Variants in BMAL2 observed in about 807,000 individuals in gnomAD.
BMAL2 encodes basic helix-loop-helix ARNT like 2.
chr12:27,382,079 A>G, the BMAL2 span, among the ~76,000 whole-genome samples: 1 of 152,212 alleles, frequency 6.6e-6, no homozygotes, highest in African/African-American at 2.4e-5. Context: ...TGGGAGCATG[A>G]TGGGAGATCT....
At chr12:27,335,751 A>G in the BMAL2 span, among the ~76,000 whole-genome samples, 2 of 149,268 alleles carry the variant, frequency 1.3e-5, no homozygotes, top group African/African-American at 4.9e-5. Context: ...GCAAGAGAGG[A>G]GGTGTGAAGT....
the BMAL2 span, chr12:27,416,053 AAT>A: frequency 1.3e-6 from 1 of 772,804 alleles, no homozygotes; most frequent in South Asian, 1.9e-5. Context: ...TCAAAAAAAA[AAT>A]GAACCCATTT....
chr12:27,387,347 T>C, the BMAL2 span: 4 of 1,454,564 alleles, frequency 2.7e-6, no homozygotes, highest in African/African-American at 5.6e-5. Flanking sequence ...ATATTTTCCA[T>C]ACAATGTTTA....
the BMAL2 span, among the ~76,000 whole-genome samples, chr12:27,388,424 A>G: frequency 5.3e-5 from 8 of 152,084 alleles, no homozygotes; most frequent in South Asian, 4.2e-4. Flanking sequence ...CCTGTTGTCT[A>G]TAGGAATGTT....
chr12:27,334,721 C>G, the BMAL2 span, among the ~76,000 whole-genome samples: 27 of 152,312 alleles, frequency 1.8e-4, no homozygotes, highest in African/African-American at 6.5e-4. Context: ...AAATGTAAAG[C>G]TGGGAATAAT....
chr12:27,351,039 A>T, the BMAL2 span, among the ~76,000 whole-genome samples: 1 of 125,996 alleles, frequency 7.9e-6, no homozygotes, highest in East Asian at 2.5e-4. Flanking sequence ...TCCAGGCTGC[A>T]GTGCAGTGGC....
the BMAL2 span, chr12:27,370,169 C>T: frequency 1.7e-5 from 28 of 1,614,122 alleles, 1 homozygote; most frequent in South Asian, 3.1e-4. Flanking sequence ...AAAGCTTTCT[C>T]AGAATCCCCT....
the BMAL2 span, among the ~76,000 whole-genome samples, chr12:27,342,128 T>G: frequency 6.6e-6 from 1 of 151,864 alleles, no homozygotes; most frequent in African/African-American, 2.4e-5. Context: ...AGTAGAGACG[T>G]GGTTTCATCA....
the BMAL2 span, among the ~76,000 whole-genome samples, chr12:27,420,012 T>TGCGCGCGCGCGCGCGCGCGC: frequency 4.6e-5 from 3 of 64,822 alleles, no homozygotes; most frequent in African/African-American, 2.3e-4. Flanking sequence ...TTCCAGGGTT[T>TGCGCGCGCGCGCGCGCGCGC]GCGCGTGCAC....
chr12:27,402,446 A>G, the BMAL2 span, among the ~76,000 whole-genome samples: 1 of 152,236 alleles, frequency 6.6e-6, no homozygotes, highest in Non-Finnish European at 1.5e-5. Flanking sequence ...GGCAAACACC[A>G]TGATACTTAG....
chr12:27,417,365 A>G, the BMAL2 span, among the ~76,000 whole-genome samples: 1 of 152,226 alleles, frequency 6.6e-6, no homozygotes, highest in Non-Finnish European at 1.5e-5. Context: ...AAAAACAGAA[A>G]TAAACTTTGA....
At chr12:27,332,844 G>C in the BMAL2 span, 10 of 177,448 alleles carry the variant, frequency 5.6e-5, no homozygotes, top group Non-Finnish European at 8.1e-5. Flanking sequence ...CCAGAGCGGC[G>C]GGCGGCTGGC....
the BMAL2 span, among the ~76,000 whole-genome samples, chr12:27,396,031 G>A: frequency 2.6e-5 from 4 of 152,210 alleles, no homozygotes; most frequent in Non-Finnish European, 5.9e-5. Context: ...ATGTTGAAGC[G>A]CTAGGCCCCA....
At chr12:27,387,157 T>C in the BMAL2 span, 2 of 947,300 alleles carry the variant, frequency 2.1e-6, no homozygotes, top group Non-Finnish European at 3.4e-6. Flanking sequence ...AATCTGAATG[T>C]GTGTGTGTGT....
the BMAL2 span, chr12:27,380,155 G>T: frequency 7.7e-7 from 1 of 1,306,206 alleles, no homozygotes; most frequent in East Asian, 2.3e-5. Context: ...GTGTGTGCCT[G>T]CTGGGCTCAG....
At chr12:27,400,826 A>G in the BMAL2 span, 21 of 1,486,468 alleles carry the variant, frequency 1.4e-5, no homozygotes, top group Non-Finnish European at 1.5e-5. Context: ...ATTTGAAGCT[A>G]TTAAAGGCGT....
the BMAL2 span, among the ~76,000 whole-genome samples, chr12:27,342,110 A>G: frequency 5.3e-5 from 8 of 151,660 alleles, no homozygotes; most frequent in African/African-American, 1.9e-4. Flanking sequence ...CTAATTTTGT[A>G]TTTTTTTAGT....
At chr12:27,386,281 A>G in the BMAL2 span, among the ~76,000 whole-genome samples, 1 of 152,104 alleles carries the variant, frequency 6.6e-6, no homozygotes, top group Admixed American at 6.5e-5. Flanking sequence ...TTGCTTTCGA[A>G]GCTTTCTCAC....
chr12:27,358,539 A>G, the BMAL2 span, among the ~76,000 whole-genome samples: 1 of 152,164 alleles, frequency 6.6e-6, no homozygotes, highest in Non-Finnish European at 1.5e-5. Flanking sequence ...AAATGATGGC[A>G]TAGGATTTTA....
Sources: allele counts gnomAD v4.1 joint callset (sites outside exome capture counted in the v4.1 genomes callset), GRCh38; gene constraint gnomAD v4.1.1; transcripts MANE v1.5; gene names NCBI Gene and HGNC (gene_info 2026-07-23, HGNC 2026-07-21).